Variants in LPA observed in about 807,000 individuals in gnomAD.
The protein encoded by LPA is lipoprotein(a).
In LPA, 199 loss-of-function variants were observed where a neutral mutation model predicts 197.9. The observed-to-expected ratio is 1.01, with a 90% CI of 0.90 to 1.13. The LOEUF is 1.13. LPA is among the 50% of genes most tolerant of loss of function. The pLI, the probability that LPA is intolerant of heterozygous loss-of-function variation, is 0.00. For missense variants in LPA, 1,853 were observed against 1,785.8 expected, an observed-to-expected ratio of 1.04 and a Z score of -0.68; for synonymous variants, 715 against 639.5, an observed-to-expected ratio of 1.12 and a Z score of -1.78.
In LPA at chr6:160,577,155, G is replaced by T; in HGVS notation, c.4612C>A (p.Pro1538Thr). 6.2e-7 allele frequency: 1 copy of T among 1,613,614 alleles called. No individual in the cohort carries two copies. Among genetic ancestry groups the T allele is most frequent in the Non-Finnish European group, 8.5e-7 (1 of 1,179,758 alleles). ...ACATACGCATTTGGGTAGTTTTCTG[G>T]GGTCCTCTGATGCCAGTGTGGTATC... Reference protein sequence around the residue: ...SMIPHWHQRTPENYPNAGLTE... With the variant: ...SMIPHWHQRTTENYPNAGLTE... The change falls in exon 28 of 39, where the codon CCA becomes ACA. Residue 1538 changes from proline to threonine, a missense_variant. Around this residue, in one of 3 missense-constraint regions of LPA, gnomAD observed 1,737 missense variants for 1,504.4 expected, o/e 1.15. Coordinates refer to ENST00000316300, the MANE Select transcript of LPA (RefSeq NM_005577.4).
rs41269890 is a variant in LPA at position 160,607,518 on chromosome 6, G to A, written c.2604-860C>T. Among the ~76,000 whole-genome samples, 1,851 of 152,044 alleles carry A rather than the reference G, an allele frequency of 0.012. 47 individuals carry two copies. In the Middle Eastern group the frequency reaches 0.14, roughly 11 times the overall value. On this transcript the variant is annotated intron_variant, in intron 16 of 38. Coordinates refer to ENST00000316300, the MANE Select transcript of LPA (RefSeq NM_005577.4). ...CTGAAGAGGTCGGACAGCTACGGAGGAACACTGCATTAGGGGGCAAAGCAG... is the reference window on the plus strand; with the variant it reads ...CTGAAGAGGTCGGACAGCTACGGAGAAACACTGCATTAGGGGGCAAAGCAG...
intron 1 of LPA, among the ~76,000 whole-genome samples, chr6:160,657,794 T>C (rs1296081235): frequency 6.6e-6 from 1 of 152,202 alleles, no homozygotes; most frequent in African/African-American, 2.4e-5. Flanking sequence ...TCCAACTCTA[T>C]GTCCCTTCCA....
In LPA at chr6:160,541,270, G is replaced by C. The variant is rs182763697; in HGVS notation, c.5520-89C>G. ...AAAGCCAGGAAGACAAGTTCACTCA[G>C]TTTTGATCATGTTCATATTCCCAAA... On this transcript the variant is annotated intron_variant, in intron 34 of 38. Coordinates refer to ENST00000316300, the MANE Select transcript of LPA (RefSeq NM_005577.4). 4 of 959,620 alleles carry C rather than the reference G, an allele frequency of 4.2e-6. No homozygotes were observed. The Admixed American group carries it at 5.5e-5, about 13-fold the overall frequency. The allele number at this position is 959,620 out of a possible 1,614,324, so 59.4% of individuals were successfully genotyped here.
chr6:160,541,320 G>A, intron 34 of LPA, 139 bp from the exon 35 acceptor site: 6 of 716,372 alleles, frequency 8.4e-6, no homozygotes, highest in Non-Finnish European at 1.5e-5. Context: ...CCCAACGTCA[G>A]GATAGTAGAA....
At chr6:160,537,726 G>A (rs937932135) in intron 37 of LPA, 129 bp downstream of exon 37, 7 of 848,876 alleles carry the variant, frequency 8.2e-6, no homozygotes, top group Admixed American at 4.0e-5. Context: ...AGGTGTCCAG[G>A]CAAAGTCAGG....
At chr6:160,593,741 A>G (rs1779075386) in intron 22 of LPA, among the ~76,000 whole-genome samples, 1 of 152,166 alleles carries the variant, frequency 6.6e-6, no homozygotes. Flanking sequence ...CACCACCTTC[A>G]AATATCCTCC....
chr6:160,560,465 C>A (rs1490516135), intron 28 of LPA, among the ~76,000 whole-genome samples: 1 of 152,180 alleles, frequency 6.6e-6, no homozygotes, highest in Admixed American at 6.5e-5. Context: ...TGTTTCCTGA[C>A]TTTTTAATGA....
At chr6:160,576,647 C>A (rs1562328140) in intron 28 of LPA, among the ~76,000 whole-genome samples, 2 of 134,212 alleles carry the variant, frequency 1.5e-5, no homozygotes, top group South Asian at 2.4e-4. Context: ...AATATTCAGA[C>A]ATATATATAA....
chr6:160,603,233 G>GGGGTGTGT (rs143056855), intron 18 of LPA, among the ~76,000 whole-genome samples: 2 of 144,760 alleles, frequency 1.4e-5, no homozygotes, highest in African/African-American at 2.5e-5. Context: ...TATTTGTGGA[G>GGGGTGTGT]GTGTGTGTGT....
intron 21 of LPA, 39 bp downstream of exon 21, chr6:160,595,315 A>G (rs377465508): frequency 2.6e-4 from 414 of 1,608,178 alleles, no homozygotes; most frequent in Non-Finnish European, 3.4e-4. Flanking sequence ...TTTCATCCCA[A>G]CGTCCTAGGG....
At chr6:160,584,369 T>TCACC (rs1248556107) in intron 26 of LPA, among the ~76,000 whole-genome samples, 1 of 146,976 alleles carries the variant, frequency 6.8e-6, no homozygotes, top group East Asian at 2.0e-4. Context: ...TCTTGCTCTG[T>TCACC]CACCCAGGCT....
chr6:160,586,720 A>G, intron 24 of LPA, 90 bp from the exon 25 acceptor site: 1 of 1,573,226 alleles, frequency 6.4e-7, no homozygotes, highest in East Asian at 2.3e-5. Context: ...AACAAAGTGT[A>G]AACAAGCAAA....
chr6:160,603,437 T>C (rs1299160173), intron 18 of LPA, among the ~76,000 whole-genome samples: 1 of 152,212 alleles, frequency 6.6e-6, no homozygotes, highest in Non-Finnish European at 1.5e-5. Flanking sequence ...AGACATACCT[T>C]CTTATACTAG....
intron 28 of LPA, among the ~76,000 whole-genome samples, chr6:160,567,366 A>C (rs1778476032): frequency 6.6e-6 from 1 of 152,226 alleles, no homozygotes; most frequent in South Asian, 2.1e-4. Context: ...AACTATATGG[A>C]AACTGAACAA....
intron 30 of LPA, among the ~76,000 whole-genome samples, chr6:160,551,750 A>G (rs558152488): frequency 7.9e-5 from 12 of 152,188 alleles, no homozygotes; most frequent in Non-Finnish European, 1.6e-4. Context: ...GTTTTGTATC[A>G]TGGATATCCA....
At chr6:160,631,893 G>A (rs1779691891) in intron 8 of LPA, among the ~76,000 whole-genome samples, 1 of 150,914 alleles carries the variant, frequency 6.6e-6, no homozygotes, top group Non-Finnish European at 1.5e-5. Context: ...TGTGAGGCTC[G>A]CTTAATTTTA....
chr6:160,555,294 AGT>A (rs10552460), intron 30 of LPA, among the ~76,000 whole-genome samples: 49,807 of 133,690 alleles, frequency 0.37, 9,259 homozygotes, highest in African/African-American at 0.38. Context: ...ATTATATGTT[AGT>A]GTGTGTGTGT....
At chr6:160,662,127 T>C (rs937755931) in intron 1 of LPA, among the ~76,000 whole-genome samples, 5 of 152,232 alleles carry the variant, frequency 3.3e-5, no homozygotes, top group African/African-American at 1.2e-4. Flanking sequence ...ACAATCCTTT[T>C]GTTTCTCTGA....
chr6:160,538,080 C>A (rs1485051777), intron 36 of LPA, 119 bp from the exon 37 acceptor site: 8 of 799,312 alleles, frequency 1.0e-5, no homozygotes, highest in African/African-American at 5.1e-5. Context: ...CCTTGCTTCA[C>A]TGACACAGAA....
Sources: gnomAD v4.1 joint callset for allele counts (sites outside exome capture counted in the v4.1 genomes callset) on GRCh38, gnomAD v4.1.1 for gene constraint, gnomAD v4.1.1 regional missense constraint, MANE v1.5 for transcripts, NCBI Gene and HGNC (gene_info 2026-07-23, HGNC 2026-07-21) for gene names.